Variants in COXFA4 observed in about 807,000 individuals in gnomAD.
COXFA4 encodes cytochrome c oxidase subunit FA4.
chr7:10,938,973 G>T, the COXFA4 span: 2 of 1,110,990 alleles, frequency 1.8e-6, no homozygotes, highest in Non-Finnish European at 2.8e-6. Context: ...AGTAGTTTCT[G>T]CACATTGATT....
the COXFA4 span, chr7:10,939,815 G>C: frequency 1.4e-6 from 1 of 691,392 alleles, no homozygotes; most frequent in Admixed American, 2.2e-5. Flanking sequence ...CCTTCCTCCT[G>C]TCAGACAAAA....
chr7:10,939,779 GT>G, the COXFA4 span: 1 of 598,288 alleles, frequency 1.7e-6, no homozygotes, highest in Non-Finnish European at 3.0e-6. Flanking sequence ...AAAAAACTAG[GT>G]TTTTTTTCCG....
chr7:10,936,889 C>T, the COXFA4 span, among the ~76,000 whole-genome samples: 15 of 152,018 alleles, frequency 9.9e-5, no homozygotes, highest in African/African-American at 3.6e-4. Context: ...CACAAAAAAT[C>T]AGCTGGGTGT....
At chr7:10,934,448 T>G in the COXFA4 span, among the ~76,000 whole-genome samples, 4 of 150,282 alleles carry the variant, frequency 2.7e-5, no homozygotes, top group African/African-American at 9.8e-5. Flanking sequence ...TGGTCCAGAG[T>G]TTCTACTAAG....
chr7:10,938,715 T>A, the COXFA4 span: 1 of 875,520 alleles, frequency 1.1e-6, no homozygotes, highest in African/African-American at 1.6e-5. Context: ...GTAACATTCT[T>A]TCTACTACCC....
At chr7:10,931,997 C>T in the COXFA4 span, 14 of 152,086 alleles carry the variant, frequency 9.2e-5, no homozygotes, top group Non-Finnish European at 1.8e-4. Flanking sequence ...TTTTCAATTA[C>T]ATGACACACT....
chr7:10,934,038 CTACT>C, the COXFA4 span, among the ~76,000 whole-genome samples: 3 of 152,102 alleles, frequency 2.0e-5, no homozygotes, highest in African/African-American at 7.2e-5. Flanking sequence ...TGCCTTAACT[CTACT>C]AAGTACGTGG....
At chr7:10,939,978 G>A in the COXFA4 span, 5 of 1,612,452 alleles carry the variant, frequency 3.1e-6, no homozygotes, top group Middle Eastern at 3.3e-4. Context: ...ACGCAAGAAG[G>A]ACAAGGGAAA....
At chr7:10,938,266 T>C in the COXFA4 span, 1 of 886,144 alleles carries the variant, frequency 1.1e-6, no homozygotes, top group Non-Finnish European at 1.8e-6. Context: ...TATGGTGTTA[T>C]TTCATTATGA....
the COXFA4 span, chr7:10,938,677 G>T: frequency 5.7e-6 from 4 of 706,558 alleles, no homozygotes; most frequent in African/African-American, 5.3e-5. Context: ...GCAGATTTGA[G>T]ATCTGAACTT....
At chr7:10,938,929 C>G in the COXFA4 span, 18 of 1,528,228 alleles carry the variant, frequency 1.2e-5, no homozygotes, top group South Asian at 1.9e-4. Context: ...TAACCATCTT[C>G]AAATACTTAA....
chr7:10,939,185 T>C, the COXFA4 span: 2 of 331,048 alleles, frequency 6.0e-6, no homozygotes, highest in Admixed American at 4.5e-5. Flanking sequence ...CAAGAAAATG[T>C]ATCGAGTCTT....
chr7:10,937,694 A>G, the COXFA4 span, among the ~76,000 whole-genome samples: 42,526 of 152,084 alleles, frequency 0.28, 8,443 homozygotes, highest in African/African-American at 0.57. Flanking sequence ...ATCATTCTCT[A>G]GAAGAGTAGT....
At chr7:10,934,977 G>A in the COXFA4 span, among the ~76,000 whole-genome samples, 1 of 152,202 alleles carries the variant, frequency 6.6e-6, no homozygotes, top group East Asian at 1.9e-4. Context: ...GGGTCTGCAG[G>A]TATATATTAA....
the COXFA4 span, chr7:10,938,540 C>A: frequency 4.7e-6 from 2 of 429,292 alleles, no homozygotes; most frequent in Non-Finnish European, 8.4e-6. Context: ...TTTATAAAAA[C>A]AATTATTTTT....
the COXFA4 span, chr7:10,938,999 G>T: frequency 1.2e-6 from 1 of 859,924 alleles, no homozygotes; most frequent in Non-Finnish European, 2.0e-6. Context: ...GTCTCAAACT[G>T]TTATTGGACT....
the COXFA4 span, chr7:10,938,803 C>T: frequency 2.5e-6 from 4 of 1,610,708 alleles, no homozygotes; most frequent in South Asian, 4.4e-5. Flanking sequence ...TTTTTAAGTA[C>T]TTACCAAACA....
the COXFA4 span, chr7:10,938,951 A>G: frequency 1.6e-6 from 2 of 1,288,970 alleles, no homozygotes; most frequent in Non-Finnish European, 2.3e-6. Context: ...ACACTGGCCA[A>G]CGAGAGATTA....
the COXFA4 span, chr7:10,939,106 T>C: frequency 2.0e-6 from 1 of 496,118 alleles, no homozygotes; most frequent in South Asian, 2.2e-5. Context: ...GAAAGGATGT[T>C]AAGATGACTC....
Sources: allele counts gnomAD v4.1 joint callset (sites outside exome capture counted in the v4.1 genomes callset), GRCh38; gene constraint gnomAD v4.1.1; transcripts MANE v1.5; gene names NCBI Gene and HGNC (gene_info 2026-07-23, HGNC 2026-07-21).